The following DECR1 variants were observed in gnomAD, a reference collection of about 807,000 sequenced individuals.
DECR1 encodes 2,4-dienoyl-CoA reductase 1.
A neutral mutation model predicts 38.8 loss-of-function variants in DECR1; 44 were observed. That is an observed-to-expected ratio of 1.13 (90% CI 0.89 to 1.46). The LOEUF (loss-of-function observed/expected upper bound fraction) is 1.46. Among genes scored for constraint, DECR1 ranks in the 40% most tolerant of loss-of-function variants. The pLI is 0.00. For missense variants in DECR1, 428 were observed against 405.5 expected, an observed-to-expected ratio of 1.06 and a Z score of -0.48; for synonymous variants, 148 against 135.2, an observed-to-expected ratio of 1.09 and a Z score of -0.66.
intron 1 of DECR1, among the ~76,000 whole-genome samples, chr8:90,013,656 G>A (rs1812941608): frequency 1.3e-5 from 2 of 151,982 alleles, no homozygotes; most frequent in Admixed American, 1.3e-4. Context: ...ACTTTTATGT[G>A]AATTCTTCCA....
At chr8:90,005,744 G>T in intron 1 of DECR1, 1 of 311,490 alleles carries the variant, frequency 3.2e-6, no homozygotes, top group Non-Finnish European at 6.3e-6. Flanking sequence ...AATTTATAAA[G>T]AAAAGGGTTT....
chr8:90,051,823 T>G lies in DECR1; in HGVS notation c.949-15T>G, dbSNP rs1563664838. 1 of 1,613,716 alleles carries G rather than the reference T, an allele frequency of 6.2e-7. No individual in the cohort carries two copies. The highest frequency in any genetic ancestry group is 8.5e-7 in the Non-Finnish European group (1 of 1,179,790). ...ATGTAAAAAGGACATTAAATTGACATCTTTTTTGTGTTAGGTCACCAAGGA... is the reference window on the plus strand; with the variant it reads ...ATGTAAAAAGGACATTAAATTGACAGCTTTTTTGTGTTAGGTCACCAAGGA... On this transcript the variant is annotated splice_polypyrimidine_tract_variant and intron_variant, in intron 9 of 9. Coordinates refer to ENST00000220764, the MANE Select transcript of DECR1 (RefSeq NM_001359.2).
chr8:90,030,940 G>C (rs995709260), intron 5 of DECR1, among the ~76,000 whole-genome samples: 1 of 152,084 alleles, frequency 6.6e-6, no homozygotes, highest in African/African-American at 2.4e-5. Context: ...AAATTTCTTA[G>C]AGCAACTGTG....
chr8:90,052,390 A>G lies in DECR1; in HGVS notation c.*493A>G, dbSNP rs1372208874. On this transcript the variant is annotated 3_prime_UTR_variant, in exon 10 of 10. Transcript: ENST00000220764. ...CTTTGGGTAACTCAGTATTAACTCA[A>G]ACCTTTAATTTTTACTAGGACCTAT... Among the ~76,000 whole-genome samples, 1 of 152,190 alleles carries G rather than the reference A, an allele frequency of 6.6e-6. No homozygotes were observed. The highest frequency in any genetic ancestry group is 2.4e-5 in the African/African-American group (1 of 41,458).
intron 5 of DECR1, among the ~76,000 whole-genome samples, chr8:90,031,887 A>G (rs1813504098): frequency 6.6e-6 from 1 of 152,198 alleles, no homozygotes; most frequent in African/African-American, 2.4e-5. Context: ...GGTGATAGGT[A>G]AAGTTAAACA....
intron 1 of DECR1, among the ~76,000 whole-genome samples, chr8:90,007,343 T>C (rs1225554500): frequency 1.3e-5 from 2 of 152,170 alleles, no homozygotes; most frequent in Non-Finnish European, 2.9e-5. Flanking sequence ...AGAAGTAACA[T>C]GATCCCATTA....
At chr8:90,035,470 A>G (rs1373389671) in intron 5 of DECR1, among the ~76,000 whole-genome samples, 4 of 150,908 alleles carry the variant, frequency 2.7e-5, no homozygotes, top group Non-Finnish European at 5.9e-5. Flanking sequence ...AGCTAAGCTT[A>G]TTTGTTCAAT....
chr8:90,038,456 T>G (rs1242948916), intron 6 of DECR1, among the ~76,000 whole-genome samples: 2 of 119,900 alleles, frequency 1.7e-5, no homozygotes, highest in African/African-American at 7.7e-5. Context: ...TCGCGGGCCT[T>G]TTTTTTTTTT....
intron 8 of DECR1, among the ~76,000 whole-genome samples, chr8:90,050,414 C>G (rs961720864): frequency 6.6e-6 from 1 of 152,140 alleles, no homozygotes; most frequent in Non-Finnish European, 1.5e-5. Flanking sequence ...CCAACAGACA[C>G]ATGAAAAAAT....
intron 1 of DECR1, chr8:90,005,533 C>T (rs1239100761): frequency 2.3e-5 from 10 of 430,568 alleles, no homozygotes; most frequent in East Asian, 7.0e-5. Flanking sequence ...CTGGATCTCC[C>T]GAAGTAGGCG....
rs190080258 is a variant in DECR1 at position 90,034,243 on chromosome 8, C to T, written c.566-2598C>T. On this transcript the variant is annotated intron_variant, in intron 5 of 9. Transcript: ENST00000220764. ...ACTTATCTGAATATTCTTCAAAATA[C>T]TTTCCTTGTAGTCCTTCAAATTTAA... is the stretch of plus-strand genomic sequence containing the variant. Among the ~76,000 whole-genome samples, 141 of 152,232 alleles carry T rather than the reference C, an allele frequency of 9.3e-4. 1 individual carries two copies. Among genetic ancestry groups the T allele is most frequent in the Admixed American group, 1.9e-3 (29 of 15,292 alleles).
At chr8:90,018,147 C>T (rs1047536736) in intron 2 of DECR1, among the ~76,000 whole-genome samples, 2 of 152,234 alleles carry the variant, frequency 1.3e-5, no homozygotes, top group Admixed American at 1.3e-4. Flanking sequence ...CTTGGCCTCC[C>T]AAAGTGCTGG....
At chr8:90,051,028 G>A (rs901432020) in intron 8 of DECR1, among the ~76,000 whole-genome samples, 10 of 152,104 alleles carry the variant, frequency 6.6e-5, no homozygotes, top group African/African-American at 2.2e-4. Context: ...CCGTCGTGGG[G>A]TGGGAGGAGC....
chr8:90,047,229 C>A (rs1813933404), intron 8 of DECR1, among the ~76,000 whole-genome samples: 1 of 152,124 alleles, frequency 6.6e-6, no homozygotes, highest in South Asian at 2.1e-4. Context: ...TTAAAAGACA[C>A]AGACTGGCAA....
At chr8:90,035,626 C>T (rs1330657901) in intron 5 of DECR1, among the ~76,000 whole-genome samples, 1 of 151,968 alleles carries the variant, frequency 6.6e-6, no homozygotes, top group African/African-American at 2.4e-5. Flanking sequence ...TTGTCTGCTA[C>T]ATCTGTCTTC....
At chr8:90,018,629 T>C (rs1813068345) in intron 2 of DECR1, 1 of 311,020 alleles carries the variant, frequency 3.2e-6, no homozygotes, top group Non-Finnish European at 6.1e-6. Context: ...CATGAATATA[T>C]TTTCTTTGTA....
At chr8:90,022,821 T>C (rs1021898429) in intron 5 of DECR1, among the ~76,000 whole-genome samples, 7 of 152,168 alleles carry the variant, frequency 4.6e-5, no homozygotes, top group Admixed American at 1.3e-4. Flanking sequence ...AATTTCTGTC[T>C]GACTCTCCCT....
chr8:90,006,732 G>T (rs1380134742), intron 1 of DECR1, among the ~76,000 whole-genome samples: 1 of 152,178 alleles, frequency 6.6e-6, no homozygotes, highest in African/African-American at 2.4e-5. Context: ...GCAGAAATAC[G>T]ATATCATCAG....
intron 5 of DECR1, among the ~76,000 whole-genome samples, chr8:90,023,605 T>G (rs890301470): frequency 2.0e-5 from 3 of 152,160 alleles, no homozygotes; most frequent in Admixed American, 6.6e-5. Context: ...TTCCTCCTGA[T>G]GCCAGGAGGA....
Sources: allele counts gnomAD v4.1 joint callset (sites outside exome capture counted in the v4.1 genomes callset), GRCh38; gene constraint gnomAD v4.1.1; transcripts MANE v1.5; gene names NCBI Gene and HGNC (gene_info 2026-07-23, HGNC 2026-07-21).